CCDC148: variants seen among roughly 807,000 people sequenced by gnomAD.
CCDC148 encodes coiled-coil domain-containing protein 148.
A neutral mutation model predicts 85.7 loss-of-function variants in CCDC148; 89 were observed. That is an observed-to-expected ratio of 1.04 (90% confidence interval 0.87 to 1.24). The LOEUF is 1.24. Ranked by LOEUF, CCDC148 falls within the 50% of genes most tolerant of loss-of-function variation. The pLI is 0.00. For missense variants in CCDC148, 692 were observed against 671.7 expected (o/e 1.03, Z -0.33); for synonymous variants, 230 against 213.9 (o/e 1.08, Z -0.66).
chr2:158,261,774 C>T (rs191518825), intron 9 of CCDC148, among the ~76,000 whole-genome samples: 1 of 151,968 alleles, frequency 6.6e-6, no homozygotes, highest in East Asian at 1.9e-4. Flanking sequence ...AGCTCAATAT[C>T]CCTGATCATT....
intron 1 of CCDC148, among the ~76,000 whole-genome samples, chr2:158,412,938 G>A (rs1481040647): frequency 6.6e-6 from 1 of 150,546 alleles, no homozygotes; most frequent in Non-Finnish European, 1.5e-5. Flanking sequence ...TGCCATGCTG[G>A]TGTGCTGCAC....
chr2:158,370,832 T>C (rs1461874410), intron 1 of CCDC148, among the ~76,000 whole-genome samples: 1 of 148,814 alleles, frequency 6.7e-6, no homozygotes, highest in Non-Finnish European at 1.5e-5. Context: ...ATAAACTATA[T>C]AAGAAGTTTG....
intron 1 of CCDC148, among the ~76,000 whole-genome samples, chr2:158,449,037 A>T (rs528412409): frequency 6.6e-6 from 1 of 152,010 alleles, no homozygotes; most frequent in Non-Finnish European, 1.5e-5. Context: ...CATGTTGGCC[A>T]GGCTGCTCTT....
chr2:158,454,668 T>A (rs1455478541), intron 1 of CCDC148, among the ~76,000 whole-genome samples: 1 of 152,180 alleles, frequency 6.6e-6, no homozygotes, highest in Non-Finnish European at 1.5e-5. Flanking sequence ...GGATAAGTGT[T>A]CCAGATAATC....
At chr2:158,447,369 T>C (rs1021938538) in intron 1 of CCDC148, 2 of 152,146 alleles carry the variant, frequency 1.3e-5, no homozygotes, top group Non-Finnish European at 2.9e-5. Flanking sequence ...ATCAGCATAG[T>C]GCACTATAGC....
At chr2:158,285,735 A>G (rs1336959855) in intron 9 of CCDC148, among the ~76,000 whole-genome samples, 1 of 150,838 alleles carries the variant, frequency 6.6e-6, no homozygotes, top group Non-Finnish European at 1.5e-5. Flanking sequence ...ACGGGGTTTC[A>G]CCATTTTAGC....
chr2:158,212,841 A>G (rs1686651044), intron 11 of CCDC148, among the ~76,000 whole-genome samples: 1 of 152,128 alleles, frequency 6.6e-6, no homozygotes, highest in South Asian at 2.1e-4. Flanking sequence ...AGTTTCACCT[A>G]TATGACCTCT....
At chr2:158,323,652 C>A (rs1228383672) in intron 7 of CCDC148, among the ~76,000 whole-genome samples, 1 of 152,134 alleles carries the variant, frequency 6.6e-6, no homozygotes, top group African/African-American at 2.4e-5. Flanking sequence ...TCTTGCCCAA[C>A]CATTTACCAT....
chr2:158,246,327 C>T (rs900091250), intron 10 of CCDC148, among the ~76,000 whole-genome samples: 2 of 152,146 alleles, frequency 1.3e-5, no homozygotes, highest in African/African-American at 4.8e-5. Context: ...GTATCTCCAA[C>T]AGTAAAATAG....
At chr2:158,306,841 AAC>A (rs1330321122) in intron 9 of CCDC148, among the ~76,000 whole-genome samples, 1 of 151,250 alleles carries the variant, frequency 6.6e-6, no homozygotes, top group Non-Finnish European at 1.5e-5. Flanking sequence ...AAAAAAAAAA[AAC>A]ACTAAAAAAA....
chr2:158,331,757 G>C (rs149313659), intron 7 of CCDC148, among the ~76,000 whole-genome samples: 4,105 of 152,298 alleles, frequency 0.027, 74 homozygotes, highest in Middle Eastern at 0.092. Context: ...TTACCATTAT[G>C]TAATCACCTT....
At chr2:158,373,028 T>C (rs1684513585) in intron 1 of CCDC148, among the ~76,000 whole-genome samples, 1 of 152,082 alleles carries the variant, frequency 6.6e-6, no homozygotes, top group Non-Finnish European at 1.5e-5. Flanking sequence ...TAATTTAGAT[T>C]GCTAATCAAC....
intron 11 of CCDC148, among the ~76,000 whole-genome samples, chr2:158,216,615 C>G (rs1686878484): frequency 6.6e-6 from 1 of 151,716 alleles, no homozygotes; most frequent in South Asian, 2.1e-4. Context: ...TTAGCTTGGG[C>G]CATCATGACA....
At chr2:158,297,133 A>G (rs143776165) in intron 9 of CCDC148, among the ~76,000 whole-genome samples, 2 of 152,160 alleles carry the variant, frequency 1.3e-5, no homozygotes, top group African/African-American at 4.8e-5. Context: ...AACTGCCTTA[A>G]ATTGGCAGAA....
At chr2:158,317,876 A>G (rs1692351015) in intron 7 of CCDC148, among the ~76,000 whole-genome samples, 1 of 152,228 alleles carries the variant, frequency 6.6e-6, no homozygotes, top group Non-Finnish European at 1.5e-5. Flanking sequence ...TAGCTGATGC[A>G]ATAGTGAACC....
At chr2:158,176,705 A>G in intron 12 of CCDC148, 44 bp from the exon 13 acceptor site, 1 of 1,604,138 alleles carries the variant, frequency 6.2e-7, no homozygotes, top group Non-Finnish European at 8.5e-7. Context: ...GGTACAAACT[A>G]AATATTTCTG....
At chr2:158,324,655 C>T (rs2105224445) in intron 7 of CCDC148, among the ~76,000 whole-genome samples, 1 of 152,266 alleles carries the variant, frequency 6.6e-6, no homozygotes, top group African/African-American at 2.4e-5. Context: ...TGGTGTCAGA[C>T]TTCCAAATAC....
chr2:158,296,544 T>C (rs1009107106), intron 9 of CCDC148, among the ~76,000 whole-genome samples: 2 of 152,234 alleles, frequency 1.3e-5, no homozygotes, highest in African/African-American at 4.8e-5. Flanking sequence ...GAGATTATGG[T>C]TGCCTGAAAT....
intron 1 of CCDC148, among the ~76,000 whole-genome samples, chr2:158,386,622 A>G (rs1685097640): frequency 6.6e-6 from 1 of 152,100 alleles, no homozygotes. Flanking sequence ...TCCAAACTCC[A>G]TGATCTTTGG....
Sources: allele counts gnomAD v4.1 joint callset (sites outside exome capture counted in the v4.1 genomes callset), GRCh38; gene constraint gnomAD v4.1.1; transcripts MANE v1.5; gene names NCBI Gene and HGNC (gene_info 2026-07-23, HGNC 2026-07-21).